The following NPRL3 variants were observed in gnomAD, a reference collection of about 807,000 sequenced individuals.
The protein encoded by NPRL3 is NPR3 like, GATOR1 complex subunit, also known as GATOR1 complex protein NPRL3.
A neutral mutation model predicts 57.2 loss-of-function variants in NPRL3; 23 were observed. That is an observed-to-expected ratio of 0.40 (90% CI 0.29 to 0.57). The LOEUF (loss-of-function observed/expected upper bound fraction) is 0.57. Ranked by LOEUF, NPRL3 falls within the 20% of genes least tolerant of loss-of-function variation. NPRL3 has a pLI of 0.42. For synonymous variants in NPRL3, 333 were observed against 321.1 expected (o/e 1.04, Z -0.39); for missense variants, 691 against 767.1 (o/e 0.90, Z 1.17).
intron 2 of NPRL3, among the ~76,000 whole-genome samples, chr16:134,315 T>C (rs1022062640): frequency 1.3e-5 from 2 of 151,904 alleles, no homozygotes; most frequent in Non-Finnish European, 2.9e-5. Context: ...TAAATGTACA[T>C]ACACCAAGAG....
At chr16:130,879 G>A (rs560711272) in intron 2 of NPRL3, among the ~76,000 whole-genome samples, 2 of 152,230 alleles carry the variant, frequency 1.3e-5, no homozygotes, top group African/African-American at 2.4e-5. Context: ...CTGGGAGCAG[G>A]GGAAATGAAG....
At position 134,164 on chromosome 16, in the gene NPRL3, G is replaced by A. The variant is rs982662715; in HGVS notation, c.119-3573C>T. ...GGTGCTGACAGACTTGCTGGACACA[G>A]GTTTGCCATGAACTTTCAATTTGTA... is the stretch of plus-strand genomic sequence containing the variant. On this transcript the variant is annotated intron_variant, in intron 2 of 13. Coordinates refer to ENST00000611875, the MANE Select transcript of NPRL3 (RefSeq NM_001077350.3). 2.0e-5 allele frequency among the ~76,000 whole-genome samples: 3 copies of A among 152,036 alleles called. No individual in the cohort carries two copies. The South Asian group carries it at 6.2e-4, about 32-fold the overall frequency.
Position 119,688 on chromosome 16 carries a change from CAGAGCGGCCCTTCACCCAA to C in NPRL3, c.189-452_189-434del, listed in dbSNP as rs1412381335. 2.6e-5 allele frequency among the ~76,000 whole-genome samples: 4 copies of C among 152,236 alleles called. No homozygotes were observed. In the South Asian group the frequency reaches 8.3e-4, roughly 32 times the overall value. ...TCCCAGGACCCAGGCCCTTCACCCA[CAGAGCGGCCCTTCACCCAA>C]AGAGCCGCGTGGAGGGCAAGGGGAC... On this transcript the variant is annotated intron_variant, in intron 3 of 13. Coordinates refer to ENST00000611875, the MANE Select transcript of NPRL3 (RefSeq NM_001077350.3).
At chr16:95,325 GTATA>G (rs780432969) in intron 9 of NPRL3, among the ~76,000 whole-genome samples, 197 of 102,208 alleles carry the variant, frequency 1.9e-3, no homozygotes, top group Middle Eastern at 5.6e-3. Flanking sequence ...GTTTGTGTGT[GTATA>G]TATATATATA....
rs1435207544 is a variant in NPRL3, at chr16:135,155, G to A, written c.118+2995C>T. ...TGAATTATTCAATAAAATTATGTTG[G>A]GACCAGATAGCCATATGGAAAAGAA... is the stretch of plus-strand genomic sequence containing the variant. On this transcript the variant is annotated intron_variant, in intron 2 of 13. Transcript: ENST00000611875. 2.0e-5 allele frequency among the ~76,000 whole-genome samples: 3 copies of A among 152,150 alleles called. No individual in the cohort carries two copies. In the East Asian group the frequency reaches 5.8e-4, roughly 29 times the overall value.
At chr16:122,395 C>A (rs557825623) in intron 3 of NPRL3, among the ~76,000 whole-genome samples, 3 of 152,366 alleles carry the variant, frequency 2.0e-5, no homozygotes, top group Non-Finnish European at 4.4e-5. Context: ...CTGCACCCAT[C>A]TGGCTTTATA....
At chr16:92,873 T>C in intron 10 of NPRL3, 148 bp from the exon 11 acceptor site, 1 of 1,001,426 alleles carries the variant, frequency 1.0e-6, no homozygotes, top group Non-Finnish European at 1.5e-6. Flanking sequence ...CAGGCAGGCC[T>C]CCAGGTGGAC....
intron 2 of NPRL3, among the ~76,000 whole-genome samples, chr16:134,480 G>A (rs1900960994): frequency 1.3e-5 from 2 of 152,094 alleles, no homozygotes; most frequent in African/African-American, 2.4e-5. Context: ...TCCTGAACGG[G>A]AAGATTCAAC....
chr16:119,744 A>T (rs1167272145), intron 3 of NPRL3, among the ~76,000 whole-genome samples: 2 of 152,224 alleles, frequency 1.3e-5, no homozygotes, highest in East Asian at 3.8e-4. Flanking sequence ...GTGCACAGGG[A>T]TGCGTGCAGA....
At chr16:100,264 G>C in intron 8 of NPRL3, 108 bp downstream of exon 8, 1 of 1,223,600 alleles carries the variant, frequency 8.2e-7, no homozygotes, top group Non-Finnish European at 1.1e-6. Context: ...TTCCGCAGTG[G>C]GAAGAAGAAA....
Position 100,383 on chromosome 16 carries a change from C to T in NPRL3, c.756G>A (p.Leu252=), listed in dbSNP as rs554325689. 1.2e-5 allele frequency: 19 copies of T among 1,547,928 alleles called. No homozygotes were observed. The East Asian group carries it at 3.9e-4, about 32-fold the overall frequency. ...GGCTGGGCACTTACCGGATGGCTTT[C>T]AGGCTCCGTTCGATGGCCTCTGGGG... ...LIPPEAIERS[L]KAIRPYHALL... The change falls in exon 8 of 14, where the codon CTG becomes CTA. Residue 252 remains leucine (L), a synonymous_variant. Coordinates refer to ENST00000611875, the MANE Select transcript of NPRL3 (RefSeq NM_001077350.3).
At chr16:115,890 TCAC>T (rs748911527) in intron 5 of NPRL3, among the ~76,000 whole-genome samples, 2 of 152,206 alleles carry the variant, frequency 1.3e-5, no homozygotes, top group Non-Finnish European at 2.9e-5. Flanking sequence ...TGTATAATAA[TCAC>T]CACATTGTTT....
chr16:115,877 CAGTGTATAATAAT>C (rs1900011252), intron 5 of NPRL3, among the ~76,000 whole-genome samples: 3 of 152,196 alleles, frequency 2.0e-5, no homozygotes, highest in Non-Finnish European at 2.9e-5. Context: ...GAGGATGGGC[CAGTGTATAATAAT>C]CACCACATTG....
chr16:117,073 G>A (rs569763029), intron 5 of NPRL3, among the ~76,000 whole-genome samples: 1 of 152,168 alleles, frequency 6.6e-6, no homozygotes, highest in African/African-American at 2.4e-5. Context: ...TATACAACAT[G>A]AATGTACCAG....
intron 9 of NPRL3, among the ~76,000 whole-genome samples, chr16:97,255 G>A (rs1361394845): frequency 6.7e-6 from 1 of 149,270 alleles, no homozygotes; most frequent in Non-Finnish European, 1.5e-5. Flanking sequence ...ATTTCTCCCC[G>A]TGCTTTTTTT....
At chr16:127,520 C>T (rs1406425853) in intron 3 of NPRL3, among the ~76,000 whole-genome samples, 3 of 152,202 alleles carry the variant, frequency 2.0e-5, no homozygotes, top group Non-Finnish European at 4.4e-5. Flanking sequence ...CAGGCATGAG[C>T]TACCGCTCCC....
chr16:131,339 C>T (rs1207062152), intron 2 of NPRL3, among the ~76,000 whole-genome samples: 4 of 151,098 alleles, frequency 2.6e-5, no homozygotes, highest in East Asian at 1.9e-4. Flanking sequence ...ATTAGCCGGG[C>T]GTGGTGGTGG....
chr16:87,456 C>A (rs566774598), intron 13 of NPRL3, among the ~76,000 whole-genome samples: 2 of 151,802 alleles, frequency 1.3e-5, no homozygotes, highest in African/African-American at 4.8e-5. Flanking sequence ...AGGCTGGTCT[C>A]GAACTCCTGA....
intron 3 of NPRL3, chr16:119,534 C>T (rs1405743433): frequency 2.3e-6 from 1 of 443,996 alleles, no homozygotes; most frequent in Non-Finnish European, 4.1e-6. Context: ...AGGAGAGAAA[C>T]AGTTGCAGTT....
Sources: allele counts gnomAD v4.1 joint callset (sites outside exome capture counted in the v4.1 genomes callset), GRCh38; gene constraint gnomAD v4.1.1; transcripts MANE v1.5; gene names NCBI Gene and HGNC (gene_info 2026-07-23, HGNC 2026-07-21).